Variants in RAPGEF4 observed in about 807,000 individuals in gnomAD.
The protein encoded by RAPGEF4 is RAP guanine-nucleotide-exchange factor (GEF) 4.
Under a neutral mutation model 147.9 loss-of-function variants are expected in RAPGEF4, and 66 were observed. The ratio of observed to expected loss-of-function variants is 0.45; its 90% CI spans 0.37 to 0.55. RAPGEF4 has a LOEUF of 0.55. RAPGEF4 is among the 20% of genes least tolerant of loss of function. The pLI, the probability that RAPGEF4 is intolerant of heterozygous loss-of-function variation, is 0.00. For synonymous variants in RAPGEF4, 419 were observed against 442.7 expected, an observed-to-expected ratio of 0.95 and a Z score of 0.67; for missense variants, 1,071 against 1,257.3, an observed-to-expected ratio of 0.85 and a Z score of 2.24.
chr2:172,741,239 T>C (rs1021573020), intron 1 of RAPGEF4, among the ~76,000 whole-genome samples: 10 of 152,268 alleles, frequency 6.6e-5, no homozygotes, highest in African/African-American at 2.2e-4. Context: ...ACAAGTCCGA[T>C]TCCATTGTAA....
At position 173,027,068 on chromosome 2, in the gene RAPGEF4, CT is replaced by C; in HGVS notation, c.2380-10del. 1 of 1,565,880 alleles carries C rather than the reference CT, an allele frequency of 6.4e-7. No individual in the cohort carries two copies. Among genetic ancestry groups the C allele is most frequent in the Non-Finnish European group, 8.6e-7 (1 of 1,161,636 alleles). On this transcript the variant is annotated splice_polypyrimidine_tract_variant and intron_variant, in intron 24 of 30. Transcript: ENST00000397081. ...AAAAAAAATAAGCAAAATTGTTTTCCTTTATTTTCTAGCTGGAGCTAATCTA... is the reference window on the plus strand; with the variant it reads ...AAAAAAAATAAGCAAAATTGTTTTCCTTATTTTCTAGCTGGAGCTAATCTA...
chr2:173,000,195 T>C (rs1693763070), intron 16 of RAPGEF4, among the ~76,000 whole-genome samples: 1 of 152,216 alleles, frequency 6.6e-6, no homozygotes, highest in African/African-American at 2.4e-5. Context: ...CCTGGTGACA[T>C]TGAGTTGTGA....
chr2:172,817,263 C>T (rs1688601700), intron 4 of RAPGEF4, among the ~76,000 whole-genome samples: 1 of 152,060 alleles, frequency 6.6e-6, no homozygotes, highest in Admixed American at 6.6e-5. Context: ...AAATAAAAAT[C>T]ATAGAATCTC....
chr2:172,775,111 C>G (rs1226355898), intron 1 of RAPGEF4, among the ~76,000 whole-genome samples: 1 of 152,108 alleles, frequency 6.6e-6, no homozygotes, highest in African/African-American at 2.4e-5. Context: ...ATCTCCCAGG[C>G]CAGAGCTATA....
At chr2:172,973,438 A>G (rs1043346373) in intron 10 of RAPGEF4, among the ~76,000 whole-genome samples, 1 of 152,186 alleles carries the variant, frequency 6.6e-6, no homozygotes, top group African/African-American at 2.4e-5. Context: ...GCAGCAAAAA[A>G]ATAATATTTT....
intron 23 of RAPGEF4, among the ~76,000 whole-genome samples, chr2:173,024,410 G>T (rs1696450460): frequency 7.0e-6 from 1 of 143,460 alleles, no homozygotes; most frequent in Non-Finnish European, 1.6e-5. Flanking sequence ...GTAGAGACGG[G>T]GTTTCACCGT....
chr2:172,965,727 A>C (rs753900498), intron 9 of RAPGEF4, 44 bp downstream of exon 9: 2 of 1,611,766 alleles, frequency 1.2e-6, no homozygotes, highest in Non-Finnish European at 1.7e-6. Flanking sequence ...AGAAATGCTA[A>C]GTGCATTTCC....
At chr2:172,998,197 A>T (rs1693557008) in intron 16 of RAPGEF4, among the ~76,000 whole-genome samples, 1 of 152,190 alleles carries the variant, frequency 6.6e-6, no homozygotes, top group Admixed American at 6.5e-5. Flanking sequence ...TAGGTGAGGG[A>T]TCTAGAAAAG....
chr2:173,022,193 A>G (rs775453340), intron 23 of RAPGEF4, among the ~76,000 whole-genome samples: 1 of 152,228 alleles, frequency 6.6e-6, no homozygotes, highest in Non-Finnish European at 1.5e-5. Context: ...TCTTGGCCGC[A>G]GTGCCAAATG....
chr2:173,030,139 CAAACA>C lies in RAPGEF4; in HGVS notation c.2559-24_2559-20del. On this transcript the variant is annotated intron_variant, in intron 25 of 30. Transcript: ENST00000397081. ...TCTCACACAGAAGTAACATTTTACT[CAAACA>C]CGCATCTCCTGTGTTTCAGCTGTAA... 1 of 1,501,782 alleles carries C rather than the reference CAAACA, an allele frequency of 6.7e-7. No individual in the cohort carries two copies. The highest frequency in any genetic ancestry group is 9.3e-7 in the Non-Finnish European group (1 of 1,078,914). 93.0% of individuals were successfully genotyped at this position (1,501,782 alleles called of 1,614,324 possible). A position where few individuals can be genotyped will look rare whatever the true frequency, so the allele number is the denominator to read the frequency against.
At chr2:172,949,971 T>A (rs1278831516) in intron 6 of RAPGEF4, among the ~76,000 whole-genome samples, 1 of 152,228 alleles carries the variant, frequency 6.6e-6, no homozygotes, top group Non-Finnish European at 1.5e-5. Context: ...TGCCTTTCTA[T>A]CAGGGTATCT....
At chr2:172,750,164 C>T (rs1466524014) in intron 1 of RAPGEF4, among the ~76,000 whole-genome samples, 2 of 152,060 alleles carry the variant, frequency 1.3e-5, no homozygotes, top group African/African-American at 4.8e-5. Flanking sequence ...GTTCCAAAGT[C>T]GCTTCCACAT....
intron 4 of RAPGEF4, among the ~76,000 whole-genome samples, chr2:172,916,432 T>C (rs1684078212): frequency 1.3e-5 from 2 of 152,142 alleles, no homozygotes; most frequent in Non-Finnish European, 2.9e-5. Context: ...TCCAGCATAA[T>C]ATGAAGCCCA....
chr2:172,932,655 A>G (rs1192347182), intron 6 of RAPGEF4, among the ~76,000 whole-genome samples: 1 of 152,220 alleles, frequency 6.6e-6, no homozygotes, highest in African/African-American at 2.4e-5. Flanking sequence ...ATAATAACAA[A>G]GACTCAAACA....
chr2:172,878,837 A>G (rs1030097380), intron 4 of RAPGEF4, among the ~76,000 whole-genome samples: 1 of 152,304 alleles, frequency 6.6e-6, no homozygotes, highest in Middle Eastern at 3.4e-3. Context: ...AGTCATAAAG[A>G]CGTAAATGGA....
intron 29 of RAPGEF4, among the ~76,000 whole-genome samples, chr2:173,046,461 C>T (rs1685482017): frequency 6.6e-6 from 1 of 152,112 alleles, no homozygotes; most frequent in Non-Finnish European, 1.5e-5. Context: ...TTTTATTATT[C>T]TTCAGAGGGG....
chr2:172,838,157 A>G (rs1397788090), intron 4 of RAPGEF4, among the ~76,000 whole-genome samples: 1 of 151,460 alleles, frequency 6.6e-6, no homozygotes, highest in East Asian at 1.9e-4. Context: ...ATTGCTACAT[A>G]TCATTTCCTA....
At chr2:172,933,792 T>A (rs1416653521) in intron 6 of RAPGEF4, among the ~76,000 whole-genome samples, 1 of 152,208 alleles carries the variant, frequency 6.6e-6, no homozygotes, top group Admixed American at 6.5e-5. Context: ...ATTTATGTAA[T>A]ATTTCAAGTA....
At chr2:172,839,230 G>A (rs1242757098) in intron 4 of RAPGEF4, among the ~76,000 whole-genome samples, 1 of 152,020 alleles carries the variant, frequency 6.6e-6, no homozygotes, top group Non-Finnish European at 1.5e-5. Flanking sequence ...GCCAAGAGAG[G>A]GTTCTTGGAT....
Sources: allele counts gnomAD v4.1 joint callset (sites outside exome capture counted in the v4.1 genomes callset), GRCh38; gene constraint gnomAD v4.1.1; transcripts MANE v1.5; gene names NCBI Gene and HGNC (gene_info 2026-07-23, HGNC 2026-07-21).